Variants in IL18R1 observed in about 807,000 individuals in gnomAD.
IL18R1 encodes the protein interleukin 18 receptor 1, also known as interleukin-18 receptor 1.
Under a neutral mutation model 48.5 loss-of-function variants are expected in IL18R1, and 40 were observed. That is an observed-to-expected ratio of 0.82 (90% CI 0.64 to 1.07). The LOEUF (loss-of-function observed/expected upper bound fraction) is 1.07. Among genes scored for constraint, IL18R1 ranks in the 50% least tolerant of loss-of-function variants. The probability of loss-of-function intolerance (pLI) is 0.00; values close to 1 mark genes in which losing one functional copy is unlikely to be tolerated. For synonymous variants in IL18R1, 232 were observed against 225.9 expected (o/e 1.03, Z -0.24); for missense variants, 596 against 633.7 (o/e 0.94, Z 0.64).
At chr2:102,376,563 A>T (rs1679596917) in intron 5 of IL18R1, among the ~76,000 whole-genome samples, 1 of 152,154 alleles carries the variant, frequency 6.6e-6, no homozygotes, top group Non-Finnish European at 1.5e-5. Context: ...GGGAGGTTGG[A>T]GGAAGGACAG....
At chr2:102,361,499 A>G (rs1678570518) in intron 1 of IL18R1, among the ~76,000 whole-genome samples, 1 of 152,198 alleles carries the variant, frequency 6.6e-6, no homozygotes, top group South Asian at 2.1e-4. Context: ...TGAGAGGGGC[A>G]TTATTCTGAG....
rs1342049880 is a variant in IL18R1 at position 102,398,436 on chromosome 2, G to A, written c.*1550G>A. Reference sequence around the variant, plus strand: ...GTAGATATTACTGAAAACCAAAAAAGAGTGAGATTGTCAGTGTAAGAATGT... The same window carrying A: ...GTAGATATTACTGAAAACCAAAAAAAAGTGAGATTGTCAGTGTAAGAATGT... On this transcript the variant is annotated 3_prime_UTR_variant, in exon 11 of 11. Coordinates refer to ENST00000233957, the MANE Select transcript of IL18R1 (RefSeq NM_003855.5). 6.6e-6 allele frequency: 1 copy of A among 152,340 alleles called. No homozygotes were observed. Among genetic ancestry groups the A allele is most frequent in the African/African-American group, 2.4e-5 (1 of 41,442 alleles). 9.4% of individuals were successfully genotyped at this position (152,340 alleles called of 1,614,324 possible).
intron 3 of IL18R1, among the ~76,000 whole-genome samples, chr2:102,369,227 G>A (rs1424614126): frequency 6.6e-6 from 1 of 152,106 alleles, no homozygotes; most frequent in African/African-American, 2.4e-5. Context: ...TTGAATGAAG[G>A]CACAATTTAA....
At chr2:102,376,717 T>G (rs1052445442) in intron 5 of IL18R1, among the ~76,000 whole-genome samples, 24 of 152,142 alleles carry the variant, frequency 1.6e-4, no homozygotes, top group African/African-American at 5.8e-4. Flanking sequence ...CCAGGCTGTG[T>G]GTGATGGAGG....
At chr2:102,396,491 C>A in intron 10 of IL18R1, 40 bp from the exon 11 acceptor site, 1 of 1,195,322 alleles carries the variant, frequency 8.4e-7, no homozygotes, top group Non-Finnish European at 1.2e-6. Flanking sequence ...TTCCCCCTTT[C>A]AGTTATCTTA....
At chr2:102,362,805 A>G in intron 2 of IL18R1, 87 bp downstream of exon 2, 1 of 732,616 alleles carries the variant, frequency 1.4e-6, no homozygotes, top group Non-Finnish European at 2.3e-6. Flanking sequence ...GTGGCTACTG[A>G]AGATGCTGAA....
Position 102,362,686 on chromosome 2 carries a change from C to A in IL18R1, c.26C>A (p.Thr9Asn). The A allele has an allele frequency of 6.2e-7, 1 of 1,607,128 alleles. No individual in the cohort carries two copies. Among genetic ancestry groups the A allele is most frequent in the Non-Finnish European group, 8.5e-7 (1 of 1,176,812 alleles). MNCRELPL[T>N]LWVLISVSTA... ...ATGAATTGTAGAGAATTACCCTTGA[C>A]CCTTTGGGTGCTTATATCTGTAAGC... Residue 9 changes from threonine to asparagine, a missense_variant, in exon 2 of 11, where the codon ACC becomes AAC. Transcript: ENST00000233957.
chr2:102,372,996 C>T (rs1034819308), intron 4 of IL18R1, among the ~76,000 whole-genome samples: 4 of 152,104 alleles, frequency 2.6e-5, no homozygotes, highest in African/African-American at 7.2e-5. Flanking sequence ...GCCAATTTTA[C>T]CCCACACTTG....
At chr2:102,374,363 G>T (rs1343772432) in intron 4 of IL18R1, among the ~76,000 whole-genome samples, 1 of 152,134 alleles carries the variant, frequency 6.6e-6, no homozygotes, top group Non-Finnish European at 1.5e-5. Context: ...TCCAAAGACA[G>T]CTCTTATCTG....
chr2:102,381,324 G>T (rs957418738), intron 5 of IL18R1, among the ~76,000 whole-genome samples: 1 of 152,214 alleles, frequency 6.6e-6, no homozygotes, highest in Admixed American at 6.5e-5. Flanking sequence ...CAGTGATTTT[G>T]CATGGTTTGA....
Position 102,396,855 on chromosome 2 carries a change from C to A in IL18R1, c.1595C>A (p.Pro532Gln), listed in dbSNP as rs1354059413. 6.2e-7 allele frequency: 1 copy of A among 1,600,348 alleles called. No homozygotes were observed. The highest frequency in any genetic ancestry group is 1.7e-4 in the Middle Eastern group (1 of 5,978). Reference protein sequence around the residue: ...AKTVKPGRDEPEVLPVLSES With the variant: ...AKTVKPGRDEQEVLPVLSES ...ACAGTCAAGCCAGGTAGAGACGAACCGGAAGTCTTGCCTGTTCTTTCCGAG... is the reference window on the plus strand; with the variant it reads ...ACAGTCAAGCCAGGTAGAGACGAACAGGAAGTCTTGCCTGTTCTTTCCGAG... The change falls in exon 11 of 11, where the codon CCG becomes CAG. Residue 532 changes from proline to glutamine, a missense_variant. This residue lies in a region of IL18R1 where 179 missense variants were observed against 206.1 expected (regional missense o/e 0.87). Transcript: ENST00000233957.
intron 8 of IL18R1, among the ~76,000 whole-genome samples, chr2:102,388,019 A>C (rs1233153745): frequency 2.0e-5 from 3 of 152,182 alleles, no homozygotes; most frequent in African/African-American, 7.2e-5. Flanking sequence ...AGAGTGAAAC[A>C]GACAGAGAGA....
chr2:102,389,450 T>A (rs1002115327), intron 8 of IL18R1, among the ~76,000 whole-genome samples: 14 of 152,258 alleles, frequency 9.2e-5, no homozygotes, highest in Admixed American at 9.2e-4. Flanking sequence ...ATGATACTTT[T>A]ATACAAAGAA....
intron 2 of IL18R1, among the ~76,000 whole-genome samples, chr2:102,366,503 C>T (rs919004495): frequency 5.3e-5 from 8 of 152,116 alleles, no homozygotes; most frequent in African/African-American, 1.9e-4. Context: ...TCCAAACTGC[C>T]CTCCAAACTG....
intron 6 of IL18R1, among the ~76,000 whole-genome samples, chr2:102,383,668 A>G (rs563296973): frequency 6.6e-6 from 1 of 151,740 alleles, no homozygotes; most frequent in Non-Finnish European, 1.5e-5. Context: ...TTTTTGTTCT[A>G]TACATAAGTG....
At chr2:102,387,361 G>A (rs1045900783) in intron 8 of IL18R1, among the ~76,000 whole-genome samples, 6 of 152,204 alleles carry the variant, frequency 3.9e-5, no homozygotes, top group Admixed American at 2.0e-4. Flanking sequence ...TCTGCGTGGG[G>A]TGAGGCCAGT....
At chr2:102,357,478 G>A (rs1177458692) in intron 1 of IL18R1, among the ~76,000 whole-genome samples, 7 of 145,320 alleles carry the variant, frequency 4.8e-5, no homozygotes, top group African/African-American at 1.8e-4. Context: ...GCGACAGAGT[G>A]AGACTCTATC....
At chr2:102,381,261 C>T (rs7584093) in intron 5 of IL18R1, among the ~76,000 whole-genome samples, 80,998 of 151,774 alleles carry the variant, frequency 0.53, 23,437 homozygotes, top group African/African-American at 0.73. Context: ...CCATCACTGG[C>T]CAGCTGAGGA....
chr2:102,391,916 C>T (rs945284083), intron 9 of IL18R1, among the ~76,000 whole-genome samples: 9 of 152,044 alleles, frequency 5.9e-5, no homozygotes, highest in Non-Finnish European at 1.3e-4. Flanking sequence ...CTTTATTTTG[C>T]GTATTTATTT....
Sources: allele counts gnomAD v4.1 joint callset (sites outside exome capture counted in the v4.1 genomes callset), GRCh38; gene constraint gnomAD v4.1.1; regional missense constraint gnomAD v4.1.1; transcripts MANE v1.5; gene names NCBI Gene and HGNC (gene_info 2026-07-23, HGNC 2026-07-21).